ATP8B1: variants seen among roughly 807,000 people sequenced by gnomAD.
The protein encoded by ATP8B1 is ATPase phospholipid transporting 8B1.
ATP8B1 carries 80 observed loss-of-function variants against 149.9 expected under a neutral mutation model. That is an observed-to-expected ratio of 0.53 (90% CI 0.45 to 0.64). The LOEUF is 0.64. ATP8B1 is among the 30% of genes least tolerant of loss of function. The probability of loss-of-function intolerance (pLI) is 0.00; values close to 1 mark genes in which losing one functional copy is unlikely to be tolerated. For synonymous variants in ATP8B1, 536 were observed against 562.8 expected (o/e 0.95, Z 0.67); for missense variants, 1,247 against 1,552.6 (o/e 0.80, Z 3.31).
At chr18:57,791,548 T>C (rs2080465011) in intron 1 of ATP8B1, among the ~76,000 whole-genome samples, 1 of 152,042 alleles carries the variant, frequency 6.6e-6, no homozygotes, top group South Asian at 2.1e-4. Flanking sequence ...TTCACCATGT[T>C]GGCCAGGCTG....
At chr18:57,667,221 T>A (rs775817540) in intron 19 of ATP8B1, 54 bp from the exon 20 acceptor site, 8 of 1,468,000 alleles carry the variant, frequency 5.4e-6, no homozygotes, top group Admixed American at 1.7e-5. Context: ...TTATTTTATT[T>A]TATTTTGTTT....
intron 8 of ATP8B1, 134 bp downstream of exon 8, chr18:57,697,484 A>T (rs1702259236): frequency 1.1e-6 from 1 of 916,124 alleles, no homozygotes; most frequent in Non-Finnish European, 1.8e-6. Context: ...CAAAGGTGAG[A>T]TCAGTAGGGA....
rs866941941 is a variant in ATP8B1, at chr18:57,747,155, A to C, written c.-25-15323T>G. ...AGGGGCCAGAGACAAAGATAGCTTG[A>C]AAAGTCAGTGGCCCAGGCCGGGCGT... On this transcript the variant is annotated intron_variant, in intron 1 of 27. Coordinates refer to ENST00000648908, the MANE Select transcript of ATP8B1 (RefSeq NM_001374385.1). Among the ~76,000 whole-genome samples, 8 of 152,344 alleles carry C rather than the reference A, an allele frequency of 5.3e-5. No individual in the cohort carries two copies. In the South Asian group the frequency reaches 1.7e-3, roughly 32 times the overall value.
intron 2 of ATP8B1, among the ~76,000 whole-genome samples, chr18:57,718,759 A>T (rs1599150915): frequency 6.6e-6 from 1 of 152,258 alleles, no homozygotes; most frequent in Non-Finnish European, 1.5e-5. Flanking sequence ...CAACAGAATG[A>T]AGGGCAAAAA....
Position 57,735,503 on chromosome 18 carries a change from A to C in ATP8B1, c.-25-3671T>G, listed in dbSNP as rs542045688. The C allele has an allele frequency of 2.3e-3, 350 of 151,328 alleles. 1 individual carries two copies. The highest frequency in any genetic ancestry group is 4.1e-3 in the Non-Finnish European group (278 of 67,516). The allele number at this position is 151,328 out of a possible 1,614,324, so 9.4% of individuals were successfully genotyped here. A position where few individuals can be genotyped will look rare whatever the true frequency, so the allele number is the denominator to read the frequency against. On this transcript the variant is annotated intron_variant, in intron 1 of 27. Coordinates refer to ENST00000648908, the MANE Select transcript of ATP8B1 (RefSeq NM_001374385.1). Reference sequence around the variant, plus strand: ...GGCCAAGAACCCCAGGTCAGAGAACACGAGGCTTGCCACCATCTTGGAAGT... The same window carrying C: ...GGCCAAGAACCCCAGGTCAGAGAACCCGAGGCTTGCCACCATCTTGGAAGT...
At chr18:57,793,367 C>T (rs575509361) in intron 1 of ATP8B1, among the ~76,000 whole-genome samples, 13 of 152,022 alleles carry the variant, frequency 8.6e-5, no homozygotes, top group Admixed American at 7.2e-4. Context: ...ACCATCCTGG[C>T]GGACACTACC....
intron 1 of ATP8B1, among the ~76,000 whole-genome samples, chr18:57,794,806 A>AAGAAAGAAAGAAAGAAAGAG (rs2123462184): frequency 6.6e-6 from 1 of 151,542 alleles, no homozygotes; most frequent in African/African-American, 2.4e-5. Context: ...GAAAGAAAGA[A>AAGAAAGAAAGAAAGAAAGAG]AGAAAGAAAG....
intron 16 of ATP8B1, 44 bp from the exon 17 acceptor site, chr18:57,671,624 T>A (rs772758900): frequency 1.1e-4 from 152 of 1,348,540 alleles, no homozygotes; most frequent in Non-Finnish European, 1.5e-4. Context: ...GTTTGATTTT[T>A]TATATATATA....
intron 1 of ATP8B1, among the ~76,000 whole-genome samples, chr18:57,800,033 A>G (rs532472010): frequency 1.3e-5 from 2 of 152,352 alleles, no homozygotes; most frequent in South Asian, 2.1e-4. Flanking sequence ...CATGAATACA[A>G]TTAATCTAAC....
chr18:57,661,335 C>T lies in ATP8B1; in HGVS notation c.2546G>A (p.Arg849Gln), dbSNP rs144656719. The change falls in exon 22 of 28, where the codon CGG becomes CAG. Residue 849 changes from arginine to glutamine, a missense_variant. By Grantham distance (43) the Arg-to-Gln change is conservative. This residue lies in a region of ATP8B1 where 853 missense variants were observed against 1,035.7 expected (regional missense o/e 0.82). Transcript: ENST00000648908. The part of the protein sequence containing the change: ...KRRLEAKKEQ[R>Q]QKNFVDLACE... Reference sequence around the variant, plus strand: ...GGCCAGGTCCACAAAGTTTTTCTGCCGCTGCTCTTTCTTAGCTTCTAGCCT... The same window carrying T: ...GGCCAGGTCCACAAAGTTTTTCTGCTGCTGCTCTTTCTTAGCTTCTAGCCT... 9.0e-5 allele frequency: 145 copies of T among 1,613,952 alleles called. 3 individuals are homozygous for T. The Middle Eastern group carries it at 7.9e-3, about 88-fold the overall frequency.
At chr18:57,760,012 C>T (rs1265385682) in intron 1 of ATP8B1, among the ~76,000 whole-genome samples, 1 of 152,070 alleles carries the variant, frequency 6.6e-6, no homozygotes, top group Non-Finnish European at 1.5e-5. Context: ...GTCACTAGCA[C>T]CCAAATTCAA....
chr18:57,749,045 C>T (rs1316531149), intron 1 of ATP8B1, among the ~76,000 whole-genome samples: 2 of 152,170 alleles, frequency 1.3e-5, no homozygotes, highest in African/African-American at 2.4e-5. Flanking sequence ...TAAAGAAGTG[C>T]CCATTAAAGA....
intron 1 of ATP8B1, among the ~76,000 whole-genome samples, chr18:57,756,316 T>TATATATA (rs1290813737): frequency 6.9e-6 from 1 of 145,054 alleles, no homozygotes; most frequent in Non-Finnish European, 1.5e-5. Context: ...TATATATATA[T>TATATATA]TTGAGACTGA....
rs186587409 is a variant in ATP8B1 at position 57,773,453 on chromosome 18, G to T, written c.-26+29545C>A. The stretch of plus-strand genomic sequence containing the variant: ...CAGGGGGTCTGGGAGGAAAAACATT[G>T]AAAAAGGTGCCCAGTTTCTAGCCTT... On this transcript the variant is annotated intron_variant, in intron 1 of 27. Coordinates refer to ENST00000648908, the MANE Select transcript of ATP8B1 (RefSeq NM_001374385.1). 9.3e-4 allele frequency among the ~76,000 whole-genome samples: 142 copies of T among 152,236 alleles called. No homozygotes were observed. The Middle Eastern group carries it at 0.01, about 11-fold the overall frequency.
intron 1 of ATP8B1, among the ~76,000 whole-genome samples, chr18:57,764,387 CTCTTTCTCTCTTTCTT>C (rs1451152670): frequency 7.1e-5 from 10 of 141,324 alleles, no homozygotes; most frequent in African/African-American, 1.8e-4. Context: ...CTCTTTTTCT[CTCTTTCTCTCTTTCTT>C]TCTTTCTCTC....
rs79364653 is a variant in ATP8B1 at position 57,797,237 on chromosome 18, A to G, written c.-26+5761T>C. Among the ~76,000 whole-genome samples, 498 of 152,358 alleles carry G rather than the reference A, an allele frequency of 3.3e-3. 6 individuals carry two copies. The highest frequency in any genetic ancestry group is 0.012 in the African/African-American group (481 of 41,576). ...GGTTAGAAAACTGTTTTCAAAAGCC[A>G]CCTGCACTAAATCAAACAAACCGCA... On this transcript the variant is annotated intron_variant, in intron 1 of 27. Transcript: ENST00000648908.
intron 16 of ATP8B1, among the ~76,000 whole-genome samples, chr18:57,672,931 T>TATATATATATGTATATAA (rs1301236712): frequency 6.0e-5 from 2 of 33,218 alleles, no homozygotes; most frequent in Non-Finnish European, 9.8e-5. Flanking sequence ...TATATATATA[T>TATATATATATGTATATAA]AACATGTATA....
intron 1 of ATP8B1, among the ~76,000 whole-genome samples, chr18:57,760,324 C>A (rs2080136516): frequency 6.6e-6 from 1 of 152,208 alleles, no homozygotes; most frequent in African/African-American, 2.4e-5. Context: ...GGATGAGATA[C>A]TTGAGTAGCT....
chr18:57,699,544 G>A (rs1356546654), intron 6 of ATP8B1, among the ~76,000 whole-genome samples: 1 of 151,966 alleles, frequency 6.6e-6, no homozygotes, highest in Non-Finnish European at 1.5e-5. Flanking sequence ...AGACCACGGT[G>A]AAACCCCATC....
Sources: allele counts gnomAD v4.1 joint callset (sites outside exome capture counted in the v4.1 genomes callset), GRCh38; gene constraint gnomAD v4.1.1; regional missense constraint gnomAD v4.1.1; transcripts MANE v1.5; gene names NCBI Gene and HGNC (gene_info 2026-07-23, HGNC 2026-07-21).